Variants in LRP8 observed in about 807,000 individuals in gnomAD.
LRP8 encodes low-density lipoprotein receptor-related protein 8.
Under a neutral mutation model 111.6 loss-of-function variants are expected in LRP8, and 46 were observed. The ratio of observed to expected loss-of-function variants is 0.41; its 90% CI spans 0.33 to 0.53. The LOEUF is 0.53. LRP8 is among the 20% of genes least tolerant of loss of function. LRP8 has a pLI of 0.20. For synonymous variants in LRP8, 464 were observed against 511.2 expected (o/e 0.91, Z 1.24); for missense variants, 959 against 1,297.4 (o/e 0.74, Z 4.01).
At chr1:53,314,342 C>T (rs1396952577) in intron 2 of LRP8, among the ~76,000 whole-genome samples, 1 of 152,224 alleles carries the variant, frequency 6.6e-6, no homozygotes, top group Non-Finnish European at 1.5e-5. Flanking sequence ...TTTATAGAGC[C>T]TGCGAATGTG....
intron 2 of LRP8, chr1:53,304,412 G>C (rs1446021535): frequency 1.3e-5 from 2 of 152,294 alleles, no homozygotes; most frequent in African/African-American, 4.8e-5. Flanking sequence ...GCCCACTGCA[G>C]AAAGGCTCAG....
rs1435870035 is a variant in LRP8, at chr1:53,246,981, C to G, written c.*37G>C. On this transcript the variant is annotated 3_prime_UTR_variant, in exon 19 of 19. Transcript: ENST00000306052. ...ACCATCCAGAGTGTAGTGCATGGGACTGAATTCCATGAGGCACGAAGGGGG... is the reference window on the plus strand; with the variant it reads ...ACCATCCAGAGTGTAGTGCATGGGAGTGAATTCCATGAGGCACGAAGGGGG... 2.5e-6 allele frequency: 4 copies of G among 1,595,960 alleles called. No individual in the cohort carries two copies. In the African/African-American group the frequency reaches 5.4e-5, roughly 21 times the overall value.
At chr1:53,288,843 G>C (rs182270495) in intron 3 of LRP8, among the ~76,000 whole-genome samples, 123 of 152,278 alleles carry the variant, frequency 8.1e-4, no homozygotes, top group Non-Finnish European at 1.5e-3. Context: ...AAATGTCACA[G>C]AATGACCTGC....
At chr1:53,321,271 A>T (rs1311137714) in intron 2 of LRP8, among the ~76,000 whole-genome samples, 2 of 152,138 alleles carry the variant, frequency 1.3e-5, no homozygotes, top group Non-Finnish European at 2.9e-5. Context: ...TCTCTGGAGG[A>T]AGTGGCATCC....
intron 2 of LRP8, among the ~76,000 whole-genome samples, chr1:53,323,623 G>A (rs1030805926): frequency 6.6e-6 from 1 of 152,230 alleles, no homozygotes; most frequent in Non-Finnish European, 1.5e-5. Flanking sequence ...TCTTTGAGCT[G>A]AGAACTAAAG....
rs1654020255 is a variant in LRP8 at position 53,317,944 on chromosome 1, A to G, written c.244+8929T>C. ...CAGAATCCAGCCCACCAAGCCAGCT[A>G]TACTCCCCGCACTGTCACCAGGTAG... On this transcript the variant is annotated intron_variant, in intron 2 of 18. Transcript: ENST00000306052. This position sits in a 1 kb window ranked among gnomAD's most constrained non-coding sequence, Gnocchi z 4.9. Among the ~76,000 whole-genome samples the G allele has an allele frequency of 1.3e-5, 2 of 152,140 alleles. No individual in the cohort carries two copies. The highest frequency in any genetic ancestry group is 4.8e-5 in the African/African-American group (2 of 41,416).
Position 53,271,293 on chromosome 1 carries a change from G to T in LRP8, c.1060C>A (p.Leu354Ile), listed in dbSNP as rs772346141. 1.9e-6 allele frequency: 3 copies of T among 1,613,994 alleles called. No individual in the cohort carries two copies. The highest frequency in any genetic ancestry group is 2.5e-6 in the Non-Finnish European group (3 of 1,180,004). Reference protein sequence around the residue: ...NGGCSHICTDLKIGFECTCPA... With the variant: ...NGGCSHICTDIKIGFECTCPA... ...CACGTGCATTCAAAGCCAATCTTGA[G>T]GTCAGTGCAGATGTGTGAGCAGCCG... is the stretch of plus-strand genomic sequence containing the variant. Residue 354 changes from leucine to isoleucine, a missense_variant, in exon 7 of 19, where the codon CTC (leucine) becomes ATC (isoleucine). Physicochemically the swap from Leu to Ile is conservative, Grantham distance 5 (BLOSUM62 2). Transcript: ENST00000306052.
chr1:53,270,570 G>A (rs1176636283), intron 8 of LRP8, among the ~76,000 whole-genome samples: 7 of 152,182 alleles, frequency 4.6e-5, no homozygotes, highest in Non-Finnish European at 1.0e-4. Context: ...GGAACAGGCA[G>A]GGACTTAAAG....
In LRP8 at chr1:53,246,973, G is replaced by A. The variant is rs1397524829; in HGVS notation, c.*45C>T. The A allele has an allele frequency of 1.1e-5, 18 of 1,566,892 alleles. No homozygotes were observed. Among genetic ancestry groups the A allele is most frequent in the Non-Finnish European group, 1.5e-5 (17 of 1,141,048 alleles). On this transcript the variant is annotated 3_prime_UTR_variant, in exon 19 of 19. Coordinates refer to ENST00000306052, the MANE Select transcript of LRP8 (RefSeq NM_004631.5). ...AGTCATACACCATCCAGAGTGTAGT[G>A]CATGGGACTGAATTCCATGAGGCAC...
chr1:53,295,781 TA>T (rs941585473), intron 2 of LRP8, among the ~76,000 whole-genome samples: 2 of 152,176 alleles, frequency 1.3e-5, no homozygotes, highest in African/African-American at 4.8e-5. Flanking sequence ...CAAGCTTGTT[TA>T]ACCAAGGAAC....
At chr1:53,308,631 C>T (rs2100516266) in intron 2 of LRP8, among the ~76,000 whole-genome samples, 1 of 152,356 alleles carries the variant, frequency 6.6e-6, no homozygotes, top group Middle Eastern at 3.4e-3. Flanking sequence ...CCCCCATCCT[C>T]ACCGCCCGGA....
intron 13 of LRP8, 106 bp from the exon 14 acceptor site, chr1:53,258,577 C>T (rs1646198884): frequency 1.9e-6 from 2 of 1,036,814 alleles, no homozygotes; most frequent in Non-Finnish European, 2.8e-6. Context: ...AAAGCTTGCC[C>T]TATACTTTTT....
intron 2 of LRP8, among the ~76,000 whole-genome samples, chr1:53,310,846 T>C (rs1652857242): frequency 6.6e-6 from 1 of 152,150 alleles, no homozygotes; most frequent in Non-Finnish European, 1.5e-5. Context: ...CTGGGCCCTG[T>C]GATGGGCACT....
chr1:53,301,645 G>T (rs1200516744), intron 2 of LRP8, among the ~76,000 whole-genome samples: 1 of 151,910 alleles, frequency 6.6e-6, no homozygotes, highest in Admixed American at 6.6e-5. Context: ...GTGGTCGGCT[G>T]GCTTGAGCCC....
intron 3 of LRP8, among the ~76,000 whole-genome samples, chr1:53,284,565 G>A (rs1363367838): frequency 6.6e-6 from 1 of 152,202 alleles, no homozygotes; most frequent in African/African-American, 2.4e-5. Flanking sequence ...TCCACCTCCA[G>A]GGTGGACCTC....
intron 14 of LRP8, 66 bp downstream of exon 14, chr1:53,258,253 G>C: frequency 6.7e-7 from 1 of 1,500,122 alleles, no homozygotes; most frequent in Non-Finnish European, 9.1e-7. Context: ...CAGAAGCCAA[G>C]GGAAGATTTC....
At chr1:53,310,204 C>G (rs528259472) in intron 2 of LRP8, among the ~76,000 whole-genome samples, 1,516 of 120,778 alleles carry the variant, frequency 0.013, 28 homozygotes, top group African/African-American at 0.047. Flanking sequence ...AAGAGACGGG[C>G]TGGGGCAGGG....
rs879016874 is a variant in LRP8, at chr1:53,246,643, C to T, written c.*375G>A. The T allele has an allele frequency of 1.7e-5, 3 of 172,268 alleles. No individual in the cohort carries two copies. The highest frequency in any genetic ancestry group is 3.7e-5 in the Non-Finnish European group (3 of 81,372). 10.7% of individuals were successfully genotyped at this position (172,268 alleles called of 1,614,324 possible). ...CAAATGCCCCAAAACCTAAAAAAGC[C>T]CCCCCAGCAACCAAACATCTTCTGT... On this transcript the variant is annotated 3_prime_UTR_variant, in exon 19 of 19. Transcript: ENST00000306052.
intron 6 of LRP8, among the ~76,000 whole-genome samples, chr1:53,272,019 A>G (rs1004161231): frequency 2.0e-5 from 3 of 151,924 alleles, no homozygotes; most frequent in Non-Finnish European, 4.4e-5. Context: ...CAGGGCCCAG[A>G]GCTAGTTTGC....
Sources: gnomAD v4.1 joint callset for allele counts (sites outside exome capture counted in the v4.1 genomes callset) on GRCh38, gnomAD v4.1.1 for gene constraint, Gnocchi (gnomAD v3.1) non-coding constraint, MANE v1.5 for transcripts, NCBI Gene and HGNC (gene_info 2026-07-23, HGNC 2026-07-21) for gene names.